The following PRKCG variants were observed in gnomAD, a reference collection of about 807,000 sequenced individuals.
PRKCG encodes protein kinase C gamma.
In PRKCG, 28 loss-of-function variants were observed where a neutral mutation model predicts 82.0. The ratio of observed to expected loss-of-function variants is 0.34; its 90% CI spans 0.25 to 0.47. PRKCG has a LOEUF of 0.47. PRKCG is among the 20% of genes least tolerant of loss of function. The pLI is 1.00. For synonymous variants in PRKCG, 383 were observed against 376.6 expected (o/e 1.02, Z -0.20); for missense variants, 640 against 952.7 (o/e 0.67, Z 4.32).
chr19:53,889,988 C>A lies in PRKCG; in HGVS notation c.500C>A (p.Ala167Asp), dbSNP rs557782511. 1.3e-6 allele frequency: 2 copies of A among 1,570,562 alleles called. No individual in the cohort carries two copies. Among genetic ancestry groups the A allele is most frequent in the Non-Finnish European group, 8.6e-7 (1 of 1,159,948 alleles). Reference sequence around the variant, plus strand: ...GGGCGCCTGCAGCTGGAGATCCGGGCTCCCACAGCAGATGAGATCCACGTA... The same window carrying A: ...GGGCGCCTGCAGCTGGAGATCCGGGATCCCACAGCAGATGAGATCCACGTA... ...RRGRLQLEIR[A>D]PTADEIHVTV... The change falls in exon 5 of 18, where the codon GCT becomes GAT. Residue 167 changes from alanine to aspartate, a missense_variant. Transcript: ENST00000263431. The surrounding 1 kb of genome is among the most constrained non-coding windows in gnomAD (Gnocchi z 4.4).
rs201889726 is a variant in PRKCG, at chr19:53,889,790, C to T, written c.397+41C>T. On this transcript the variant is annotated intron_variant, in intron 4 of 17. Transcript: ENST00000263431. This position sits in a 1 kb window ranked among gnomAD's most constrained non-coding sequence, Gnocchi z 4.4. ...CTTGCCAGGGCCCTTCCAAAGCGCC[C>T]GGTCTGGGTTCCGGGAAATGCCCGG... 968 of 1,600,022 alleles carry T rather than the reference C, an allele frequency of 6.0e-4. 3 individuals carry two copies. In the African/African-American group the frequency reaches 0.011, roughly 19 times the overall value.
chr19:53,885,352 C>A (rs1224950608), intron 3 of PRKCG, among the ~76,000 whole-genome samples: 2 of 152,144 alleles, frequency 1.3e-5, no homozygotes, highest in Non-Finnish European at 2.9e-5. Flanking sequence ...CCTCAGCCTC[C>A]TGAGTAGCTG....
At chr19:53,890,061 G>A in intron 5 of PRKCG, 44 bp downstream of exon 5, 1 of 1,536,042 alleles carries the variant, frequency 6.5e-7, no homozygotes, top group Non-Finnish European at 8.8e-7. Context: ...CTCCCCAAGT[G>A]TGAGGCGGGG....
chr19:53,906,543 G>A (rs2068813050), intron 17 of PRKCG, 86 bp downstream of exon 17: 38 of 1,572,932 alleles, frequency 2.4e-5, no homozygotes, highest in Middle Eastern at 4.3e-4. Flanking sequence ...GTGGGGGTGG[G>A]GTTCCCTCTG....
At chr19:53,905,004 G>T in intron 16 of PRKCG, among the ~76,000 whole-genome samples, 1 of 152,136 alleles carries the variant, frequency 6.6e-6, no homozygotes, top group African/African-American at 2.4e-5. Flanking sequence ...AAAGTCCAGG[G>T]TGTCTGTCTG....
At chr19:53,893,162 C>T (rs1022846617) in intron 8 of PRKCG, 87 bp downstream of exon 8, 9 of 1,375,016 alleles carry the variant, frequency 6.5e-6, no homozygotes, top group Non-Finnish European at 8.2e-6. Flanking sequence ...TGAGTGCCCG[C>T]TGGTCCTGGG....
Position 53,898,016 on chromosome 19 carries a change from G to A in PRKCG, c.997G>A (p.Asp333Asn), listed in dbSNP as rs1222412936. ...PIPSPSPSPT[D>N]PKRCFFGASP... ...CCCCTCCCCTTCCCCTAGTCCCACCGACCCCAAGCGCTGCTTCTTCGGGGC... is the reference window on the plus strand; with the variant it reads ...CCCCTCCCCTTCCCCTAGTCCCACCAACCCCAAGCGCTGCTTCTTCGGGGC... The change falls in exon 10 of 18, where the codon GAC (aspartate) becomes AAC (asparagine). Residue 333 changes from aspartate (D) to asparagine (N), a missense_variant. Coordinates refer to ENST00000263431, the MANE Select transcript of PRKCG (RefSeq NM_002739.5). 3.1e-6 allele frequency: 5 copies of A among 1,613,912 alleles called. No individual in the cohort carries two copies. Among genetic ancestry groups the A allele is most frequent in the Non-Finnish European group, 4.2e-6 (5 of 1,179,990 alleles).
rs763570173 is a variant in PRKCG at position 53,903,080 on chromosome 19, C to T, written c.1583C>T (p.Ala528Val). The change falls in exon 15 of 18, where the codon GCC becomes GTC. Residue 528 changes from alanine (A) to valine (V), a missense_variant. Physicochemically the swap from Ala to Val is moderately conservative, Grantham distance 64 (BLOSUM62 0). Around this residue, in one of 7 missense-constraint regions of PRKCG, gnomAD observed 198 missense variants for 273.4 expected, o/e 0.72. Transcript: ENST00000263431. Reference sequence around the variant, plus strand: ...GCCTTCCACCTCCCCTAGATCATTGCCTACCAGCCCTATGGGAAGTCTGTC... The same window carrying T: ...GCCTTCCACCTCCCCTAGATCATTGTCTACCAGCCCTATGGGAAGTCTGTC... ...TPDYIAPEII[A>V]YQPYGKSVDW... 2 of 1,613,192 alleles carry T rather than the reference C, an allele frequency of 1.2e-6. No individual in the cohort carries two copies. Among genetic ancestry groups the T allele is most frequent in the South Asian group, 1.1e-5 (1 of 91,062 alleles).
rs763269788 is a variant in PRKCG at position 53,889,920 on chromosome 19, T to C, written c.432T>C (p.Arg144=). 2 of 1,583,844 alleles carry C rather than the reference T, an allele frequency of 1.3e-6. No homozygotes were observed. Among genetic ancestry groups the C allele is most frequent in the African/African-American group, 1.3e-5 (1 of 74,320 alleles). Residue 144 remains arginine (R), a synonymous_variant, in exon 5 of 18, where the codon CGT becomes CGC. Coordinates refer to ENST00000263431, the MANE Select transcript of PRKCG (RefSeq NM_002739.5). This position sits in a 1 kb window ranked among gnomAD's most constrained non-coding sequence, Gnocchi z 4.4. ...CEMNVHRRCV[R]SVPSLCGVDH... ...TGAACGTGCACCGGCGCTGTGTGCG[T>C]AGCGTGCCCTCCCTGTGCGGTGTGG...
Position 53,900,489 on chromosome 19 carries a change from G to T in PRKCG, c.1436+8G>T. ...TCAGGGCATCATCTACAGGTGAGCA[G>T]CCCCAGGAATTTCCGTGGAGGAAAT... On this transcript the variant is annotated splice_region_variant and intron_variant, in intron 13 of 17. Transcript: ENST00000263431. The surrounding 1 kb of genome is among the most constrained non-coding windows in gnomAD (Gnocchi z 4.2). 1 of 1,614,116 alleles carries T rather than the reference G, an allele frequency of 6.2e-7. No homozygotes were observed. Among genetic ancestry groups the T allele is most frequent in the Non-Finnish European group, 8.5e-7 (1 of 1,180,030 alleles).
chr19:53,881,750 A>C (rs1367957075), upstream of PRKCG: 1 of 152,716 alleles, frequency 6.5e-6, no homozygotes, highest in Non-Finnish European at 1.5e-5. Flanking sequence ...AGAGGGACAG[A>C]GGTCACAAGA....
intron 16 of PRKCG, among the ~76,000 whole-genome samples, chr19:53,905,261 G>A (rs1165420864): frequency 6.6e-6 from 1 of 151,962 alleles, no homozygotes; most frequent in African/African-American, 2.4e-5. Flanking sequence ...ATCTGCATAC[G>A]ATGGGGCTCT....
intron 9 of PRKCG, among the ~76,000 whole-genome samples, chr19:53,896,610 G>A (rs1040828552): frequency 3.9e-5 from 6 of 151,996 alleles, no homozygotes; most frequent in African/African-American, 1.4e-4. Context: ...AGTAGAGATG[G>A]GGCTTCGCCA....
At position 53,900,121 on chromosome 19, in the gene PRKCG, TTCTGGTTGGGTGCA is replaced by T; in HGVS notation, c.1282-106_1282-93del. Reference sequence around the variant, plus strand: ...AGGGATGTGGCTAGGTGCTCTGAATTTCTGGTTGGGTGCATCTGGAACCTTCCACGTCTGTCCTG... The same window carrying T: ...AGGGATGTGGCTAGGTGCTCTGAATTTCTGGAACCTTCCACGTCTGTCCTG... On this transcript the variant is annotated intron_variant, in intron 11 of 17. Transcript: ENST00000263431. This position sits in a 1 kb window ranked among gnomAD's most constrained non-coding sequence, Gnocchi z 4.2. 9.9e-7 allele frequency: 1 copy of T among 1,008,272 alleles called. No homozygotes were observed. The highest frequency in any genetic ancestry group is 1.6e-6 in the Non-Finnish European group (1 of 638,008). 62.5% of individuals were successfully genotyped at this position (1,008,272 alleles called of 1,614,324 possible). A position where few individuals can be genotyped will look rare whatever the true frequency, so the allele number is the denominator to read the frequency against.
At chr19:53,898,751 C>G in intron 11 of PRKCG, 123 bp downstream of exon 11, 2 of 510,204 alleles carry the variant, frequency 3.9e-6, no homozygotes, top group South Asian at 6.0e-5. Context: ...GTGGGCGAGG[C>G]CAGGCGGATT....
chr19:53,907,304 G>A lies in PRKCG; in HGVS notation c.*409G>A. The A allele has an allele frequency of 3.5e-6, 1 of 287,254 alleles. No individual in the cohort carries two copies. The highest frequency in any genetic ancestry group is 3.7e-5 in the South Asian group (1 of 27,166). The allele number at this position is 287,254 out of a possible 1,614,324, so 17.8% of individuals were successfully genotyped here. A position where few individuals can be genotyped will look rare whatever the true frequency, so the allele number is the denominator to read the frequency against. On this transcript the variant is annotated 3_prime_UTR_variant, in exon 18 of 18. Coordinates refer to ENST00000263431, the MANE Select transcript of PRKCG (RefSeq NM_002739.5). ...TGTTCCAGACTCAGGTTCCAGAACA[G>A]CCCTCGGCCTCCGAGGCTCCCCGCC... is the stretch of plus-strand genomic sequence containing the variant.
At chr19:53,897,865 C>G in intron 9 of PRKCG, 94 bp from the exon 10 acceptor site, 1 of 1,569,244 alleles carries the variant, frequency 6.4e-7, no homozygotes, top group Non-Finnish European at 8.7e-7. Flanking sequence ...GATTCTCATC[C>G]TTTCCTTTCT....
chr19:53,906,084 C>CTTCTTCTTCTTCTTCTTCTTCTT lies in PRKCG; in HGVS notation c.1765-233_1765-232insTTCTTCTTCTTCTTCTTCTTCTT, dbSNP rs1555808689. 1.8e-4 allele frequency among the ~76,000 whole-genome samples: 5 copies of CTTCTTCTTCTTCTTCTTCTTCTT among 27,988 alleles called. No homozygotes were observed. The African/African-American group carries it at 1.8e-3, about 10-fold the overall frequency. The allele number at this position is 27,988 out of a possible 152,430, so 18.4% of individuals were successfully genotyped here. ...TCCTCCTCCTCCTCCTCCTCCTCCTCCTTCTTCTTCTTCTTCTTCTTCTTC... is the reference window on the plus strand; with the variant it reads ...TCCTCCTCCTCCTCCTCCTCCTCCTCTTCTTCTTCTTCTTCTTCTTCTTCTTCTTCTTCTTCTTCTTCTTCTTC... On this transcript the variant is annotated intron_variant, in intron 16 of 17. Transcript: ENST00000263431.
rs1318314978 is a variant in PRKCG at position 53,884,289 on chromosome 19, C to T, written c.285+46C>T. 6.5e-7 allele frequency: 1 copy of T among 1,546,544 alleles called. No individual in the cohort carries two copies. The highest frequency in any genetic ancestry group is 8.9e-7 in the Non-Finnish European group (1 of 1,120,028). On this transcript the variant is annotated intron_variant, in intron 3 of 17. Coordinates refer to ENST00000263431, the MANE Select transcript of PRKCG (RefSeq NM_002739.5). This position sits in a 1 kb window ranked among gnomAD's most constrained non-coding sequence, Gnocchi z 4.6. ...TTCTCCTCCTCGGGCCGTGCCCCCGCCCTCACCCCCTCGGCGTCCGTCCCA... is the reference window on the plus strand; with the variant it reads ...TTCTCCTCCTCGGGCCGTGCCCCCGTCCTCACCCCCTCGGCGTCCGTCCCA...
Sources: gnomAD v4.1 joint callset for allele counts (sites outside exome capture counted in the v4.1 genomes callset) on GRCh38, gnomAD v4.1.1 for gene constraint, gnomAD v4.1.1 regional missense constraint, Gnocchi (gnomAD v3.1) non-coding constraint, MANE v1.5 for transcripts, NCBI Gene and HGNC (gene_info 2026-07-23, HGNC 2026-07-21) for gene names.